OTOGL: variants seen among roughly 807,000 people sequenced by gnomAD.
OTOGL encodes the protein otogelin like.
A neutral mutation model predicts 318.5 loss-of-function variants in OTOGL; 285 were observed. That is an observed-to-expected ratio of 0.89 (90% confidence interval 0.81 to 0.99). The LOEUF is 0.99. Ranked by LOEUF, OTOGL falls within the 50% of genes least tolerant of loss-of-function variation. OTOGL has a pLI of 0.00. For missense variants in OTOGL, 2,899 were observed against 2,845.6 expected (o/e 1.02, Z -0.43); for synonymous variants, 987 against 936.5 (o/e 1.05, Z -0.99).
At chr12:80,375,122 T>C (rs181069524) in intron 57 of OTOGL, among the ~76,000 whole-genome samples, 42 of 152,286 alleles carry the variant, frequency 2.8e-4, no homozygotes, top group East Asian at 1.9e-3. Context: ...TGCTGGCATA[T>C]TAGAAAACCC....
At chr12:80,242,418 G>A (rs1312092857) in intron 11 of OTOGL, among the ~76,000 whole-genome samples, 2 of 152,078 alleles carry the variant, frequency 1.3e-5, no homozygotes, top group African/African-American at 2.4e-5. Flanking sequence ...TTAAGTGGAC[G>A]TTGATAAAAT....
chr12:80,108,823 A>G lies in OTOGL; in HGVS notation c.-20+9218A>G, dbSNP rs193236279. ...TATGTATATATATATGTGTATATATATGTATATATATTGTATATATATGTG... is the reference window on the plus strand; with the variant it reads ...TATGTATATATATATGTGTATATATGTGTATATATATTGTATATATATGTG... On this transcript the variant is annotated intron_variant, in intron 1 of 58. Transcript: ENST00000547103. 1.3e-3 allele frequency among the ~76,000 whole-genome samples: 180 copies of G among 134,134 alleles called. 1 individual carries two copies. The highest frequency in any genetic ancestry group is 4.7e-3 in the African/African-American group (168 of 35,432). 88.0% of individuals were successfully genotyped at this position (134,134 alleles called of 152,430 possible).
Position 80,337,018 on chromosome 12 carries a change from G to C in OTOGL, c.4860+14G>C, listed in dbSNP as rs1198339710. On this transcript the variant is annotated intron_variant, in intron 42 of 58. Transcript: ENST00000547103. ...TTGGCAAGAAAGGTAAGAATACAAA[G>C]TTAAAATTTTTTCTCACATTAGATG... is the stretch of plus-strand genomic sequence containing the variant. 1 of 1,531,828 alleles carries C rather than the reference G, an allele frequency of 6.5e-7. No individual in the cohort carries two copies. The highest frequency in any genetic ancestry group is 2.0e-5 in the Admixed American group (1 of 51,092). 94.9% of individuals were successfully genotyped at this position (1,531,828 alleles called of 1,614,324 possible). A position where few individuals can be genotyped will look rare whatever the true frequency, so the allele number is the denominator to read the frequency against.
In OTOGL at chr12:80,239,333, G is replaced by A. The variant is rs201362149; in HGVS notation, c.946G>A (p.Ala316Thr). The change falls in exon 11 of 59, where the codon GCA (alanine) becomes ACA (threonine). Residue 316 changes from alanine to threonine, a missense_variant and splice_region_variant. Coordinates refer to ENST00000547103, the MANE Select transcript of OTOGL (RefSeq NM_001378609.3). ...GTGACTGCCATCTTTTTTTGCACAG[G>A]CAATCTTCTTCAAGTGTCAGATACT... Reference protein sequence around the residue: ...PCSSGMPAFEAIFFKCQILLQ... With the variant: ...PCSSGMPAFETIFFKCQILLQ... 3.3e-5 allele frequency: 52 copies of A among 1,595,888 alleles called. No homozygotes were observed. Among genetic ancestry groups the A allele is most frequent in the Non-Finnish European group, 8.6e-7 (1 of 1,169,480 alleles).
At chr12:80,139,898 C>T (rs568418210) in intron 1 of OTOGL, among the ~76,000 whole-genome samples, 2 of 152,272 alleles carry the variant, frequency 1.3e-5, no homozygotes, top group South Asian at 4.1e-4. Flanking sequence ...GAATGTTCTA[C>T]TAACATCCTA....
chr12:80,244,750 C>T (rs1304546089), intron 11 of OTOGL, among the ~76,000 whole-genome samples: 1 of 148,010 alleles, frequency 6.8e-6, no homozygotes, highest in Non-Finnish European at 1.5e-5. Flanking sequence ...ACAATGACTT[C>T]CACAATGGTT....
At chr12:80,124,375 C>G (rs921142078) in intron 1 of OTOGL, among the ~76,000 whole-genome samples, 2 of 152,118 alleles carry the variant, frequency 1.3e-5, no homozygotes, top group African/African-American at 4.8e-5. Flanking sequence ...TCTGAGGGCT[C>G]TGTTCTGTTC....
intron 18 of OTOGL, among the ~76,000 whole-genome samples, chr12:80,259,093 C>T (rs1351124189): frequency 2.0e-5 from 3 of 150,944 alleles, no homozygotes; most frequent in South Asian, 4.2e-4. Flanking sequence ...TTTAGCTATA[C>T]CTTAATTTTA....
rs1347904660 is a variant in OTOGL, at chr12:80,335,960, C to A, written c.4423-3C>A. 2 of 1,504,866 alleles carry A rather than the reference C, an allele frequency of 1.3e-6. No individual in the cohort carries two copies. Among genetic ancestry groups the A allele is most frequent in the Non-Finnish European group, 1.8e-6 (2 of 1,131,872 alleles). The allele number at this position is 1,504,866 out of a possible 1,614,324, so 93.2% of individuals were successfully genotyped here. On this transcript the variant is annotated splice_polypyrimidine_tract_variant and splice_region_variant and intron_variant, in intron 38 of 58. Coordinates refer to ENST00000547103, the MANE Select transcript of OTOGL (RefSeq NM_001378609.3). ...AAACCCACTAATCTTTTTTTATTAA[C>A]AGCCTCAGAAATTTGATCCTGTTTA...
intron 55 of OTOGL, among the ~76,000 whole-genome samples, chr12:80,368,788 G>C (rs1890706448): frequency 6.7e-6 from 1 of 150,186 alleles, no homozygotes. Context: ...TGATCTGTAA[G>C]GAATCTTCAA....
chr12:80,114,264 C>A (rs1429643031), intron 1 of OTOGL, among the ~76,000 whole-genome samples: 1 of 152,058 alleles, frequency 6.6e-6, no homozygotes, highest in Non-Finnish European at 1.5e-5. Flanking sequence ...TTTTTCCTTT[C>A]CATATTTAGT....
intron 26 of OTOGL, among the ~76,000 whole-genome samples, chr12:80,284,037 T>A (rs974481587): frequency 2.6e-5 from 4 of 151,952 alleles, no homozygotes; most frequent in African/African-American, 9.7e-5. Context: ...TGCTTCCCCA[T>A]CCCCTGACAG....
At chr12:80,159,015 T>C (rs1229318382) in intron 1 of OTOGL, among the ~76,000 whole-genome samples, 1 of 152,060 alleles carries the variant, frequency 6.6e-6, no homozygotes, top group Non-Finnish European at 1.5e-5. Context: ...TCTTTTATGC[T>C]GATTTTGCTG....
intron 1 of OTOGL, chr12:80,132,615 A>G (rs1871308652): frequency 6.6e-6 from 1 of 151,686 alleles, no homozygotes; most frequent in Non-Finnish European, 1.5e-5. Context: ...GTCTCAATGA[A>G]GGTATTAAAC....
rs1376889524 is a variant in OTOGL, at chr12:80,379,324, G to C, written c.*1276G>C. ...TGCAAAGCAGATACTGGGCCTCAAG[G>C]GTGGGCTTAGGCTTAAACTAGATTA... On this transcript the variant is annotated 3_prime_UTR_variant, in exon 59 of 59. Coordinates refer to ENST00000547103, the MANE Select transcript of OTOGL (RefSeq NM_001378609.3). 1 of 151,900 alleles carries C rather than the reference G, an allele frequency of 6.6e-6. No individual in the cohort carries two copies. Among genetic ancestry groups the C allele is most frequent in the Non-Finnish European group, 1.5e-5 (1 of 67,874 alleles). 9.4% of individuals were successfully genotyped at this position (151,900 alleles called of 1,614,324 possible). A position where few individuals can be genotyped will look rare whatever the true frequency, so the allele number is the denominator to read the frequency against.
chr12:80,143,404 G>A (rs11834795), intron 1 of OTOGL, among the ~76,000 whole-genome samples: 9,887 of 152,100 alleles, frequency 0.065, 1,009 homozygotes, highest in African/African-American at 0.22. Flanking sequence ...CAGCCTAAAT[G>A]TCACTGCTTG....
At chr12:80,333,828 T>C (rs1888228516) in intron 38 of OTOGL, among the ~76,000 whole-genome samples, 2 of 152,082 alleles carry the variant, frequency 1.3e-5, no homozygotes, top group Admixed American at 6.6e-5. Flanking sequence ...GAGGACTGGG[T>C]CAACAAAGTT....
At chr12:80,320,025 T>TAAACA (rs1887218441) in intron 33 of OTOGL, among the ~76,000 whole-genome samples, 1 of 152,188 alleles carries the variant, frequency 6.6e-6, no homozygotes, top group African/African-American at 2.4e-5. Context: ...GTTTAGCCAT[T>TAAACA]AGTAGGTTTT....
chr12:80,137,013 GTCA>G (rs1871619905), intron 1 of OTOGL, among the ~76,000 whole-genome samples: 2 of 152,022 alleles, frequency 1.3e-5, no homozygotes, highest in Non-Finnish European at 2.9e-5. Context: ...GATTAATGCT[GTCA>G]GTCACAGAAA....
Sources: gnomAD v4.1 joint callset for allele counts (sites outside exome capture counted in the v4.1 genomes callset) on GRCh38, gnomAD v4.1.1 for gene constraint, MANE v1.5 for transcripts, NCBI Gene and HGNC (gene_info 2026-07-23, HGNC 2026-07-21) for gene names.